Variants in FREM1 observed in about 807,000 individuals in gnomAD.
FREM1 encodes the protein FRAS1 related extracellular matrix 1.
FREM1 carries 220 observed loss-of-function variants against 210.1 expected under a neutral mutation model. The ratio of observed to expected loss-of-function variants is 1.05; its 90% CI spans 0.94 to 1.17. The LOEUF (loss-of-function observed/expected upper bound fraction) is 1.17, where lower values mean the gene tolerates loss of function less well. Among genes scored for constraint, FREM1 ranks in the 50% most tolerant of loss-of-function variants. FREM1 has a pLI of 0.00. For synonymous variants in FREM1, 1,189 were observed against 980.2 expected (o/e 1.21, Z -3.98); for missense variants, 3,454 against 2,675.5 (o/e 1.29, Z -6.42).
Position 14,861,048 on chromosome 9 carries a change from T to TATATACAC in FREM1, c.330-1565_330-1564insGTGTATAT, listed in dbSNP as rs1830223104. ...ATATATACATATATACATATATACA[T>TATATACAC]ATATACATATATACACATATACATA... On this transcript the variant is annotated intron_variant, in intron 3 of 36. Transcript: ENST00000380880. Among the ~76,000 whole-genome samples, 4 of 75,192 alleles carry TATATACAC rather than the reference T, an allele frequency of 5.3e-5. 2 individuals carry two copies. The highest frequency in any genetic ancestry group is 2.4e-3 in the East Asian group (2 of 842). 49.3% of individuals were successfully genotyped at this position (75,192 alleles called of 152,430 possible). A position where few individuals can be genotyped will look rare whatever the true frequency, so the allele number is the denominator to read the frequency against.
In FREM1 at chr9:14,860,737, ACACATATATATG is replaced by A. The variant is rs1298429574; in HGVS notation, c.330-1265_330-1254del. 4.6e-4 allele frequency among the ~76,000 whole-genome samples: 54 copies of A among 117,310 alleles called. 1 individual carries two copies. Among genetic ancestry groups the A allele is most frequent in the Admixed American group, 9.7e-4 (11 of 11,378 alleles). 77.0% of individuals were successfully genotyped at this position (117,310 alleles called of 152,430 possible). ...TATATACACATATATACACATATAT[ACACATATATATG>A]CACATATATATGCACATATATACAC... is the stretch of plus-strand genomic sequence containing the variant. On this transcript the variant is annotated intron_variant, in intron 3 of 36. Coordinates refer to ENST00000380880, the MANE Select transcript of FREM1 (RefSeq NM_001379081.2).
chr9:14,856,863 C>T lies in FREM1; in HGVS notation c.828+690G>A, dbSNP rs566275525. Among the ~76,000 whole-genome samples, 57 of 151,524 alleles carry T rather than the reference C, an allele frequency of 3.8e-4. No homozygotes were observed. The East Asian group carries it at 0.011, about 29-fold the overall frequency. On this transcript the variant is annotated intron_variant, in intron 5 of 36. Coordinates refer to ENST00000380880, the MANE Select transcript of FREM1 (RefSeq NM_001379081.2). ...AAAAAAAAAAAAAAAAAAATCTCAG[C>T]TGTTTCAGCAGGTGCAGTTTCCCCG...
At position 14,841,474 on chromosome 9, in the gene FREM1, A is replaced by G; in HGVS notation, c.1854T>C (p.His618=). 2 of 1,610,838 alleles carry G rather than the reference A, an allele frequency of 1.2e-6. No homozygotes were observed. The highest frequency in any genetic ancestry group is 1.7e-6 in the Non-Finnish European group (2 of 1,177,744). The change falls in exon 10 of 37, where the codon CAT becomes CAC. Residue 618 remains histidine (H), a synonymous_variant. Coordinates refer to ENST00000380880, the MANE Select transcript of FREM1 (RefSeq NM_001379081.2). The part of the protein sequence containing the change: ...DSFQFVLWDS[H]EPPNLSVPQV... ...GTGGCACTGAAAGATTTGGAGGTTCATGGCTGTCCCACAGGACAAATTGAA... is the reference window on the plus strand; with the variant it reads ...GTGGCACTGAAAGATTTGGAGGTTCGTGGCTGTCCCACAGGACAAATTGAA...
intron 8 of FREM1, among the ~76,000 whole-genome samples, chr9:14,843,508 TAGG>T (rs1826053101): frequency 6.6e-6 from 1 of 151,992 alleles, no homozygotes; most frequent in African/African-American, 2.4e-5. Context: ...GGTAGGTAGG[TAGG>T]TAGGTAGGTA....
At chr9:14,887,358 T>C (rs188208298) in intron 1 of FREM1, among the ~76,000 whole-genome samples, 6 of 152,334 alleles carry the variant, frequency 3.9e-5, no homozygotes, top group Admixed American at 2.0e-4. Flanking sequence ...GAAACAAGCC[T>C]CGGGCATTCT....
rs370943663 is a variant in FREM1 at position 14,863,877 on chromosome 9, G to A, written c.261C>T (p.Asn87=). Residue 87 remains asparagine, a synonymous_variant, in exon 3 of 37, where the codon AAC becomes AAT. Transcript: ENST00000380880. ...AACCATTGTGAACATACTTGACTTC[G>A]TTGGGAAGGAAATGGCAGTCAAAGA... is the stretch of plus-strand genomic sequence containing the variant. ...PQVFDCHFLP[N]EVKYVHNGCP... The A allele has an allele frequency of 1.6e-4, 253 of 1,611,992 alleles. No individual in the cohort carries two copies. Among genetic ancestry groups the A allele is most frequent in the Non-Finnish European group, 2.1e-4 (248 of 1,178,154 alleles).
intron 1 of FREM1, among the ~76,000 whole-genome samples, chr9:14,873,633 A>G (rs964181473): frequency 6.6e-6 from 1 of 151,972 alleles, no homozygotes; most frequent in Non-Finnish European, 1.5e-5. Context: ...TGGATTCATT[A>G]ATTTTTTGAA....
At chr9:14,850,267 G>T (rs578122004) in intron 6 of FREM1, among the ~76,000 whole-genome samples, 1 of 152,238 alleles carries the variant, frequency 6.6e-6, no homozygotes, top group African/African-American at 2.4e-5. Context: ...TTAGATAGAA[G>T]TAGGACCTTC....
rs1824646139 is a variant in FREM1, at chr9:14,836,542, C to T, written c.1881+4905G>A. Among the ~76,000 whole-genome samples the T allele has an allele frequency of 6.6e-6, 1 of 152,308 alleles. No homozygotes were observed. The highest frequency in any genetic ancestry group is 2.1e-4 in the South Asian group (1 of 4,814). On this transcript the variant is annotated intron_variant, in intron 10 of 36. Transcript: ENST00000380880. The surrounding 1 kb of genome is among the most constrained non-coding windows in gnomAD (Gnocchi z 4.9). ...GGCTTCAGCCCTGGGCGGCTACAAT[C>T]CCTCTTTAATAAATTCCAGTCTTCT...
At chr9:14,900,115 A>T (rs1838503270) in intron 1 of FREM1, among the ~76,000 whole-genome samples, 1 of 152,174 alleles carries the variant, frequency 6.6e-6, no homozygotes, top group African/African-American at 2.4e-5. Context: ...CATTCTTATG[A>T]GGGATTACTG....
intron 24 of FREM1, among the ~76,000 whole-genome samples, chr9:14,777,113 G>A (rs990009357): frequency 6.6e-6 from 1 of 152,144 alleles, no homozygotes; most frequent in African/African-American, 2.4e-5. Context: ...AAGAGTTGTG[G>A]TGCCTGAGCA....
chr9:14,848,685 G>C lies in FREM1; in HGVS notation c.1241C>G (p.Pro414Arg), dbSNP rs1827121139. 6.2e-7 allele frequency: 1 copy of C among 1,608,410 alleles called. No homozygotes were observed. The highest frequency in any genetic ancestry group is 8.5e-7 in the Non-Finnish European group (1 of 1,175,268). Reference sequence around the variant, plus strand: ...TTTACCTGTATTCCAGGATACACGGGGGGCATTTGTATCTGCTGTTCTGAT... The same window carrying C: ...TTTACCTGTATTCCAGGATACACGGCGGGCATTTGTATCTGCTGTTCTGAT... ...ISIRTADTNA[P>R]RVSWNTGLSL... Residue 414 changes from proline (P) to arginine (R), a missense_variant, in exon 7 of 37, where the codon CCC (proline) becomes CGC (arginine). Pro to Arg is a moderately radical substitution (Grantham distance 103). Transcript: ENST00000380880.
Position 14,737,436 on chromosome 9 carries a change from C to T in FREM1, c.6500G>A (p.Arg2167Lys). The change falls in exon 37 of 37, where the codon AGA becomes AAA. Residue 2167 changes from arginine to lysine, a missense_variant. By Grantham distance (26) the Arg-to-Lys change is conservative. Coordinates refer to ENST00000380880, the MANE Select transcript of FREM1 (RefSeq NM_001379081.2). ...QGKWQTKDCR[R>K]AKPHNYVCSR... ...ACACACATAATTATGAGGTTTGGCTCTCCTACAGTCTTTTGTTTGCCATTT... is the reference window on the plus strand; with the variant it reads ...ACACACATAATTATGAGGTTTGGCTTTCCTACAGTCTTTTGTTTGCCATTT... The T allele has an allele frequency of 1.2e-6, 2 of 1,613,796 alleles. No individual in the cohort carries two copies. Among genetic ancestry groups the T allele is most frequent in the Non-Finnish European group, 1.7e-6 (2 of 1,179,816 alleles).
chr9:14,837,573 A>G (rs1824867699), intron 10 of FREM1, among the ~76,000 whole-genome samples: 1 of 152,196 alleles, frequency 6.6e-6, no homozygotes, highest in South Asian at 2.1e-4. Context: ...ATAAATTAGC[A>G]TGGAAAATGG....
intron 21 of FREM1, among the ~76,000 whole-genome samples, chr9:14,793,579 C>A (rs1851796478): frequency 6.6e-6 from 1 of 152,312 alleles, no homozygotes; most frequent in Admixed American, 6.5e-5. Flanking sequence ...GCCTTCACAG[C>A]CTATATGGCC....
At position 14,842,423 on chromosome 9, in the gene FREM1, A is replaced by C. The variant is rs1172452501; in HGVS notation, c.1631T>G (p.Met544Arg). The C allele has an allele frequency of 6.2e-7, 1 of 1,614,050 alleles. No homozygotes were observed. The highest frequency in any genetic ancestry group is 8.5e-7 in the Non-Finnish European group (1 of 1,179,874). The change falls in exon 9 of 37, where the codon ATG becomes AGG. Residue 544 changes from methionine to arginine, a missense_variant. Transcript: ENST00000380880. ...EGQTILIQGS[M>R]LRASDVDASD... is the part of the protein sequence containing the mutation. The stretch of plus-strand genomic sequence containing the variant: ...GGCGTCCACATCTGAAGCTCGCAGC[A>C]TGGATCCCTGGATCAGGATGGTCTG...
intron 1 of FREM1, among the ~76,000 whole-genome samples, chr9:14,906,247 T>C (rs2132719783): frequency 6.6e-6 from 1 of 152,330 alleles, no homozygotes; most frequent in East Asian, 1.9e-4. Flanking sequence ...CAAAGAACAT[T>C]GTAGCCTATG....
chr9:14,737,590 T>C lies in FREM1; in HGVS notation c.6346A>G (p.Asn2116Asp). The change falls in exon 37 of 37, where the codon AAC becomes GAC. Residue 2116 changes from asparagine to aspartate, a missense_variant. Asn to Asp is a conservative substitution (Grantham distance 23). Transcript: ENST00000380880. ...GGRKSFWIGL[N>D]DQVHAGHWEW... ...CAGTGGCCAGCATGCACTTGGTCGTTCAAACCTAATGTGAACCAAAAGAAT... is the reference window on the plus strand; with the variant it reads ...CAGTGGCCAGCATGCACTTGGTCGTCCAAACCTAATGTGAACCAAAAGAAT... 1 of 1,556,022 alleles carries C rather than the reference T, an allele frequency of 6.4e-7. No individual in the cohort carries two copies. The highest frequency in any genetic ancestry group is 8.7e-7 in the Non-Finnish European group (1 of 1,152,238).
rs754834830 is a variant in FREM1, at chr9:14,819,451, A to G, written c.2338-9T>C. ...AGAGGGTTGGTGAACGCCTAGAAAG[A>G]AGAAAGGAAGGAAACATTCAAAGCC... On this transcript the variant is annotated splice_polypyrimidine_tract_variant and intron_variant, in intron 13 of 36. Transcript: ENST00000380880. The G allele has an allele frequency of 6.3e-7, 1 of 1,583,556 alleles. No individual in the cohort carries two copies. Among genetic ancestry groups the G allele is most frequent in the Non-Finnish European group, 8.7e-7 (1 of 1,154,306 alleles).
Sources: gnomAD v4.1 joint callset for allele counts (sites outside exome capture counted in the v4.1 genomes callset) on GRCh38, gnomAD v4.1.1 for gene constraint, Gnocchi (gnomAD v3.1) non-coding constraint, MANE v1.5 for transcripts, NCBI Gene and HGNC (gene_info 2026-07-23, HGNC 2026-07-21) for gene names.